Variants in ADCY5 observed in about 807,000 individuals in gnomAD.
ADCY5 encodes the protein adenylate cyclase 5, also known as adenylate cyclase type 5.
In ADCY5, 30 loss-of-function variants were observed where a neutral mutation model predicts 119.7. The observed-to-expected ratio is 0.25, with a 90% CI of 0.19 to 0.34. The LOEUF (loss-of-function observed/expected upper bound fraction) is 0.34. ADCY5 is among the 10% of genes least tolerant of loss of function. ADCY5 has a pLI of 1.00. For missense variants in ADCY5, 1,324 were observed against 1,775.2 expected, an observed-to-expected ratio of 0.75 and a Z score of 4.57; for synonymous variants, 753 against 762.2, an observed-to-expected ratio of 0.99 and a Z score of 0.20.
Position 123,387,067 on chromosome 3 carries a change from A to C in ADCY5, c.1135-34486T>G, listed in dbSNP as rs545447326. Among the ~76,000 whole-genome samples the C allele has an allele frequency of 2.6e-5, 4 of 152,312 alleles. No individual in the cohort carries two copies. In the South Asian group the frequency reaches 8.3e-4, roughly 32 times the overall value. On this transcript the variant is annotated intron_variant, in intron 1 of 20. Transcript: ENST00000462833. ...ATTTCTTCACTACTTCATTCATTCA[A>C]CAAAAACTGATTAAATTACCGGGTT... is the stretch of plus-strand genomic sequence containing the variant.
intron 12 of ADCY5, among the ~76,000 whole-genome samples, chr3:123,306,463 G>A (rs1940203794): frequency 6.6e-6 from 1 of 152,102 alleles, no homozygotes; most frequent in Admixed American, 6.5e-5. Context: ...TTGTGACTTT[G>A]GATCAGGCAA....
rs765269047 is a variant in ADCY5 at position 123,320,786 on chromosome 3, T to C, written c.2089-15A>G. The C allele has an allele frequency of 1.9e-6, 3 of 1,582,518 alleles. No homozygotes were observed. The highest frequency in any genetic ancestry group is 1.7e-5 in the Admixed American group (1 of 59,176). ...TCTTCAAAGCCCTAGAAGAGAAGGA[T>C]AGAAAGAGAAAGAGAAGAGAATGAG... On this transcript the variant is annotated splice_polypyrimidine_tract_variant and intron_variant, in intron 8 of 20. Coordinates refer to ENST00000462833, the MANE Select transcript of ADCY5 (RefSeq NM_183357.3).
chr3:123,433,643 C>T (rs1351093455), intron 1 of ADCY5, among the ~76,000 whole-genome samples: 1 of 152,062 alleles, frequency 6.6e-6, no homozygotes, highest in African/African-American at 2.4e-5. Context: ...ACCCTAGAAA[C>T]GCTCTAGTAA....
chr3:123,351,039 GCTTC>G (rs1273577916), intron 2 of ADCY5, among the ~76,000 whole-genome samples: 1 of 152,138 alleles, frequency 6.6e-6, no homozygotes, highest in Non-Finnish European at 1.5e-5. Context: ...GCCAGCAAGG[GCTTC>G]CTTCAAGATG....
rs1938518149 is a variant in ADCY5, at chr3:123,283,570, C to T, written c.*1038G>A. On this transcript the variant is annotated 3_prime_UTR_variant, in exon 21 of 21. Coordinates refer to ENST00000462833, the MANE Select transcript of ADCY5 (RefSeq NM_183357.3). Reference sequence around the variant, plus strand: ...GCATATGGTACCCCAAAAGCACACACCCACTGCTCTGGTGGTACCTTGGAA... The same window carrying T: ...GCATATGGTACCCCAAAAGCACACATCCACTGCTCTGGTGGTACCTTGGAA... 6.6e-6 allele frequency: 1 copy of T among 152,152 alleles called. No individual in the cohort carries two copies. The highest frequency in any genetic ancestry group is 2.1e-4 in the South Asian group (1 of 4,826). The allele number at this position is 152,152 out of a possible 1,614,324, so 9.4% of individuals were successfully genotyped here.
chr3:123,358,195 T>A (rs4093840), intron 1 of ADCY5, among the ~76,000 whole-genome samples: 60,816 of 149,138 alleles, frequency 0.41, 12,960 homozygotes, highest in Admixed American at 0.49. Flanking sequence ...TGTGTGTGTG[T>A]AGGGAGTTGG....
At chr3:123,394,604 C>T (rs938331949) in intron 1 of ADCY5, among the ~76,000 whole-genome samples, 6 of 152,078 alleles carry the variant, frequency 3.9e-5, no homozygotes, top group South Asian at 4.1e-4. Flanking sequence ...AGGATGGGGG[C>T]GGGGCAGAGC....
At chr3:123,318,585 C>T (rs1376065848) in intron 10 of ADCY5, among the ~76,000 whole-genome samples, 2 of 152,186 alleles carry the variant, frequency 1.3e-5, no homozygotes, top group Non-Finnish European at 2.9e-5. Flanking sequence ...GCCCCAGCTC[C>T]GCCCATGATA....
At chr3:123,381,062 C>T (rs1396723519) in intron 1 of ADCY5, among the ~76,000 whole-genome samples, 2 of 152,212 alleles carry the variant, frequency 1.3e-5, no homozygotes, top group African/African-American at 2.4e-5. Context: ...TGACAGCTTT[C>T]CCCATAGAGT....
Position 123,325,328 on chromosome 3 carries a change from C to T in ADCY5, c.2082G>A (p.Lys694=). Reference sequence around the variant, plus strand: ...TGCCCCACCAGCCACTCACCATCCGCTTCATCTCCTTGGACACCTGGTTGC... The same window carrying T: ...TGCCCCACCAGCCACTCACCATCCGTTTCATCTCCTTGGACACCTGGTTGC... ...LGGNQVSKEM[K]RMGFEDPKDK... The change falls in exon 8 of 21, where the codon AAG becomes AAA. Residue 694 remains lysine, a synonymous_variant. Transcript: ENST00000462833. 1 of 1,614,126 alleles carries T rather than the reference C, an allele frequency of 6.2e-7. No individual in the cohort carries two copies. Among genetic ancestry groups the T allele is most frequent in the Non-Finnish European group, 8.5e-7 (1 of 1,179,988 alleles).
intron 1 of ADCY5, among the ~76,000 whole-genome samples, chr3:123,435,159 C>T (rs1457860154): frequency 6.6e-6 from 1 of 152,106 alleles, no homozygotes; most frequent in Admixed American, 6.6e-5. Context: ...GTGGCGCATG[C>T]CTATAGTCCC....
chr3:123,433,568 C>G (rs1035644909), intron 1 of ADCY5, among the ~76,000 whole-genome samples: 1 of 152,240 alleles, frequency 6.6e-6, no homozygotes, highest in Non-Finnish European at 1.5e-5. Flanking sequence ...ATCTGAAACA[C>G]AGCTAAAGGA....
Position 123,327,779 on chromosome 3 carries a change from A to C in ADCY5, c.1806-20T>G. 6.2e-7 allele frequency: 1 copy of C among 1,611,838 alleles called. No individual in the cohort carries two copies. Among genetic ancestry groups the C allele is most frequent in the Non-Finnish European group, 8.5e-7 (1 of 1,178,986 alleles). On this transcript the variant is annotated intron_variant, in intron 6 of 20. Transcript: ENST00000462833. ...ATGCGTCTACAGGGGGGCAGGGATC[A>C]GGGTGGAGAGGGCAGAAAACTCAAA...
At chr3:123,427,949 G>A (rs375522828) in intron 1 of ADCY5, among the ~76,000 whole-genome samples, 4 of 152,326 alleles carry the variant, frequency 2.6e-5, no homozygotes, top group East Asian at 3.9e-4. Context: ...AGAGAGAACT[G>A]ATAATAACGA....
In ADCY5 at chr3:123,433,183, C is replaced by T. The variant is rs1159146350; in HGVS notation, c.1134+14229G>A. 5.3e-5 allele frequency among the ~76,000 whole-genome samples: 8 copies of T among 152,186 alleles called. No homozygotes were observed. The East Asian group carries it at 7.7e-4, about 15-fold the overall frequency. On this transcript the variant is annotated intron_variant, in intron 1 of 20. Transcript: ENST00000462833. ...AGGGGATGTTTCCAATTTAGATTGG[C>T]GGTGTCAGATGCCACAAAGGCAGGC...
chr3:123,434,799 T>C lies in ADCY5; in HGVS notation c.1134+12613A>G, dbSNP rs73856611. Among the ~76,000 whole-genome samples the C allele has an allele frequency of 1.5e-3, 222 of 152,076 alleles. 2 individuals carry two copies. Among genetic ancestry groups the C allele is most frequent in the African/African-American group, 5.3e-3 (219 of 41,484 alleles). On this transcript the variant is annotated intron_variant, in intron 1 of 20. Transcript: ENST00000462833. Reference sequence around the variant, plus strand: ...AAATCTCTTGTCTATAGCCCTACCTTCCCTTCCTCGCTCCATTACCCATAC... The same window carrying C: ...AAATCTCTTGTCTATAGCCCTACCTCCCCTTCCTCGCTCCATTACCCATAC...
intron 1 of ADCY5, among the ~76,000 whole-genome samples, chr3:123,435,358 G>A (rs76133871): frequency 0.039 from 5,980 of 152,262 alleles, 488 homozygotes; most frequent in East Asian, 0.34. Context: ...GCACAGTGGT[G>A]TGGGCTGGTT....
At chr3:123,295,313 C>T (rs1284472778) in intron 17 of ADCY5, among the ~76,000 whole-genome samples, 1 of 152,192 alleles carries the variant, frequency 6.6e-6, no homozygotes, top group African/African-American at 2.4e-5. Flanking sequence ...AGGCAGAGGC[C>T]GGGCCAGGCT....
At chr3:123,435,774 A>G (rs1271366969) in intron 1 of ADCY5, among the ~76,000 whole-genome samples, 1 of 151,668 alleles carries the variant, frequency 6.6e-6, no homozygotes, top group Non-Finnish European at 1.5e-5. Flanking sequence ...TAATCTCAGC[A>G]CTTTGGGAGG....
Sources: gnomAD v4.1 joint callset for allele counts (sites outside exome capture counted in the v4.1 genomes callset) on GRCh38, gnomAD v4.1.1 for gene constraint, MANE v1.5 for transcripts, NCBI Gene and HGNC (gene_info 2026-07-23, HGNC 2026-07-21) for gene names.